The following KAZN variants were observed in gnomAD, a reference collection of about 807,000 sequenced individuals.
KAZN encodes kazrin, periplakin interacting protein, also known as kazrin.
Under a neutral mutation model 87.4 loss-of-function variants are expected in KAZN, and 40 were observed. The ratio of observed to expected loss-of-function variants is 0.46; its 90% CI spans 0.36 to 0.60. The LOEUF is 0.60. Ranked by LOEUF, KAZN falls within the 20% of genes least tolerant of loss-of-function variation. The pLI is 0.00. For missense variants in KAZN, 898 were observed against 1,073.9 expected, an observed-to-expected ratio of 0.84 and a Z score of 2.29; for synonymous variants, 466 against 458.3, an observed-to-expected ratio of 1.02 and a Z score of -0.22.
At chr1:14,531,320 T>C (rs1000848655) in intron 2 of KAZN, among the ~76,000 whole-genome samples, 2 of 152,236 alleles carry the variant, frequency 1.3e-5, no homozygotes, top group Non-Finnish European at 2.9e-5. Context: ...CTCTCCCATA[T>C]ACTGGAGATC....
intron 1 of KAZN, among the ~76,000 whole-genome samples, chr1:14,059,834 T>G (rs1178352278): frequency 3.9e-5 from 6 of 152,236 alleles, no homozygotes; most frequent in Non-Finnish European, 7.3e-5. Flanking sequence ...TGTCTGTTTT[T>G]GGGGAAGCAT....
intron 1 of KAZN, among the ~76,000 whole-genome samples, chr1:14,852,471 T>C (rs1557555604): frequency 6.6e-6 from 1 of 152,234 alleles, no homozygotes; most frequent in Admixed American, 6.5e-5. Context: ...AGCTCTGTGA[T>C]GTTCCCTTAT....
chr1:14,905,923 C>G (rs1656495598), intron 1 of KAZN, among the ~76,000 whole-genome samples: 1 of 149,710 alleles, frequency 6.7e-6, no homozygotes, highest in Non-Finnish European at 1.5e-5. Context: ...AATCACAGCA[C>G]TTTGGGAGGC....
intron 2 of KAZN, among the ~76,000 whole-genome samples, chr1:14,980,153 T>G (rs968339630): frequency 1.1e-4 from 16 of 152,234 alleles, no homozygotes; most frequent in African/African-American, 3.6e-4. Context: ...CCTCCCAAAG[T>G]GCTGGGATTA....
At chr1:14,557,176 T>C (rs1673935815) in intron 2 of KAZN, among the ~76,000 whole-genome samples, 2 of 152,160 alleles carry the variant, frequency 1.3e-5, no homozygotes, top group South Asian at 2.1e-4. Flanking sequence ...AAAAATATGA[T>C]ACAAAAAAAT....
chr1:14,861,011 G>A (rs1650779213), intron 1 of KAZN, among the ~76,000 whole-genome samples: 1 of 152,212 alleles, frequency 6.6e-6, no homozygotes, highest in South Asian at 2.1e-4. Flanking sequence ...GGGAAAGAGA[G>A]AAACCAAAGA....
intron 1 of KAZN, among the ~76,000 whole-genome samples, chr1:14,747,372 G>A (rs887935419): frequency 3.3e-5 from 5 of 152,124 alleles, no homozygotes; most frequent in Non-Finnish European, 7.3e-5. Flanking sequence ...CACCTCCCAG[G>A]CTCAAATGAT....
At chr1:14,018,954 C>T (rs930295095) in intron 1 of KAZN, among the ~76,000 whole-genome samples, 20 of 152,192 alleles carry the variant, frequency 1.3e-4, no homozygotes, top group Admixed American at 1.2e-3. Context: ...CCTCCATTAT[C>T]ACATGAGCCA....
In KAZN at chr1:14,305,217, A is replaced by G. The variant is rs1654838215; in HGVS notation, c.249+124625A>G. 1.3e-5 allele frequency among the ~76,000 whole-genome samples: 2 copies of G among 152,176 alleles called. 1 individual carries two copies. The highest frequency in any genetic ancestry group is 4.1e-4 in the South Asian group (2 of 4,822). On this transcript the variant is annotated intron_variant, in intron 2 of 16. Coordinates refer to the KAZN transcript ENST00000636203. The stretch of plus-strand genomic sequence containing the variant: ...CTCTCCCACCTTGTCCAACTCAGTT[A>G]AACCCATGTCGAAAGCAGAATCTGC...
intron 1 of KAZN, among the ~76,000 whole-genome samples, chr1:14,804,877 C>T (rs994700329): frequency 6.6e-6 from 1 of 152,184 alleles, no homozygotes; most frequent in African/African-American, 2.4e-5. Flanking sequence ...AGAGGGACAG[C>T]TAGGCGTAAT....
intron 8 of KAZN, among the ~76,000 whole-genome samples, chr1:15,069,800 G>A (rs760587705): frequency 1.8e-4 from 27 of 152,214 alleles, no homozygotes; most frequent in Non-Finnish European, 3.5e-4. Context: ...AGGCTACCAC[G>A]TGAATGGTGT....
intron 2 of KAZN, among the ~76,000 whole-genome samples, chr1:14,375,638 G>C (rs1446192774): frequency 5.9e-5 from 9 of 152,166 alleles, no homozygotes; most frequent in Admixed American, 4.6e-4. Context: ...TGTAATCCCA[G>C]CACTTTGGGA....
intron 1 of KAZN, among the ~76,000 whole-genome samples, chr1:14,918,131 C>T (rs2101458483): frequency 6.6e-6 from 1 of 152,196 alleles, no homozygotes; most frequent in African/African-American, 2.4e-5. Context: ...CCTGCCTCAG[C>T]CTCCCAAAGT....
intron 1 of KAZN, among the ~76,000 whole-genome samples, chr1:14,770,392 T>C (rs543045790): frequency 1.3e-4 from 20 of 152,264 alleles, no homozygotes; most frequent in African/African-American, 4.8e-4. Context: ...CAGGGATATA[T>C]GAAATACTCA....
chr1:13,985,355 A>G (rs1226791260), intron 1 of KAZN, among the ~76,000 whole-genome samples: 1 of 151,880 alleles, frequency 6.6e-6, no homozygotes, highest in Non-Finnish European at 1.5e-5. Context: ...GCACATATAC[A>G]CCATGGAATA....
At chr1:14,418,852 CCAGTA>C (rs930572482) in intron 2 of KAZN, among the ~76,000 whole-genome samples, 4 of 152,146 alleles carry the variant, frequency 2.6e-5, no homozygotes, top group African/African-American at 9.7e-5. Flanking sequence ...GAGTCAGTCA[CCAGTA>C]CACTTGTGTG....
At chr1:15,051,336 C>A (rs147656739) in intron 4 of KAZN, among the ~76,000 whole-genome samples, 29 of 152,340 alleles carry the variant, frequency 1.9e-4, no homozygotes, top group African/African-American at 6.7e-4. Context: ...TTGGCCCCAG[C>A]CAAAAGGCAG....
At chr1:14,426,481 T>C (rs1386819994) in intron 2 of KAZN, among the ~76,000 whole-genome samples, 2 of 152,232 alleles carry the variant, frequency 1.3e-5, no homozygotes, top group African/African-American at 4.8e-5. Context: ...ACTGCCATGG[T>C]ACATGGAATT....
At chr1:13,975,258 C>T (rs1308482730) in intron 1 of KAZN, among the ~76,000 whole-genome samples, 5 of 152,126 alleles carry the variant, frequency 3.3e-5, no homozygotes, top group African/African-American at 1.2e-4. Flanking sequence ...AGGAGTGGGG[C>T]CTGGGGAGGC....
Sources: gnomAD v4.1 joint callset for allele counts (sites outside exome capture counted in the v4.1 genomes callset) on GRCh38, gnomAD v4.1.1 for gene constraint, MANE v1.5 for transcripts, NCBI Gene and HGNC (gene_info 2026-07-23, HGNC 2026-07-21) for gene names.